The following CAMLG variants were observed in gnomAD, a reference collection of about 807,000 sequenced individuals.
The protein encoded by CAMLG is guided entry of tail-anchored proteins factor CAMLG.
In CAMLG, 23 loss-of-function variants were observed where a neutral mutation model predicts 28.9. The observed-to-expected ratio is 0.80, with a 90% CI of 0.57 to 1.13. The LOEUF (loss-of-function observed/expected upper bound fraction) is 1.13. CAMLG is among the 50% of genes most tolerant of loss of function. The pLI is 0.00. For synonymous variants in CAMLG, 141 were observed against 146.5 expected, an observed-to-expected ratio of 0.96 and a Z score of 0.27; for missense variants, 367 against 371.9, an observed-to-expected ratio of 0.99 and a Z score of 0.11.
chr5:134,749,667 A>G lies in CAMLG; in HGVS notation c.700-1092A>G, dbSNP rs541433325. On this transcript the variant is annotated intron_variant, in intron 3 of 3. Transcript: ENST00000297156. Reference sequence around the variant, plus strand: ...ACTTGTCCTGAGACTTAACGCTTCAAAAAACTTTCACTTCTGCCAGTCTAA... The same window carrying G: ...ACTTGTCCTGAGACTTAACGCTTCAGAAAACTTTCACTTCTGCCAGTCTAA... Among the ~76,000 whole-genome samples, 7 of 152,336 alleles carry G rather than the reference A, an allele frequency of 4.6e-5. No individual in the cohort carries two copies. In the South Asian group the frequency reaches 8.3e-4, roughly 18 times the overall value.
Position 134,749,740 on chromosome 5 carries a change from C to T in CAMLG, c.700-1019C>T, listed in dbSNP as rs186398749. Among the ~76,000 whole-genome samples, 681 of 152,242 alleles carry T rather than the reference C, an allele frequency of 4.5e-3. 1 individual carries two copies. The highest frequency in any genetic ancestry group is 5.6e-3 in the Non-Finnish European group (378 of 68,022). ...TGTTTTTAGTTGTTGTTTTTGGAGACGGGGGTCTCACTTTGTCATGTGGGC... is the reference window on the plus strand; with the variant it reads ...TGTTTTTAGTTGTTGTTTTTGGAGATGGGGGTCTCACTTTGTCATGTGGGC... On this transcript the variant is annotated intron_variant, in intron 3 of 3. Transcript: ENST00000297156.
At chr5:134,748,071 C>G (rs962143268) in intron 3 of CAMLG, among the ~76,000 whole-genome samples, 1 of 148,104 alleles carries the variant, frequency 6.8e-6, no homozygotes, top group African/African-American at 2.5e-5. Flanking sequence ...ACCATGTTGG[C>G]CAAGACAGCC....
At chr5:134,739,240 C>T (rs1752955395) in intron 1 of CAMLG, among the ~76,000 whole-genome samples, 1 of 152,160 alleles carries the variant, frequency 6.6e-6, no homozygotes, top group Non-Finnish European at 1.5e-5. Flanking sequence ...TGCTGTGTAA[C>T]TCCTGTCCGC....
At chr5:134,748,119 C>T (rs1753073051) in intron 3 of CAMLG, among the ~76,000 whole-genome samples, 1 of 152,076 alleles carries the variant, frequency 6.6e-6, no homozygotes, top group South Asian at 2.1e-4. Context: ...ACCTCGGCCT[C>T]CTAAAGTGCT....
chr5:134,739,435 C>G (rs1334370211), intron 1 of CAMLG, among the ~76,000 whole-genome samples: 1 of 152,176 alleles, frequency 6.6e-6, no homozygotes, highest in Non-Finnish European at 1.5e-5. Flanking sequence ...AAGTGCACAC[C>G]TGAGAGTTTC....
chr5:134,741,614 C>T (rs1752985629), intron 2 of CAMLG, 91 bp downstream of exon 2: 1 of 786,656 alleles, frequency 1.3e-6, no homozygotes, highest in Non-Finnish European at 2.1e-6. Flanking sequence ...AAGTCATTGC[C>T]AGTATTAATA....
chr5:134,739,243 CTG>C (rs1752955538), intron 1 of CAMLG, among the ~76,000 whole-genome samples: 1 of 152,134 alleles, frequency 6.6e-6, no homozygotes, highest in Non-Finnish European at 1.5e-5. Context: ...TGTGTAACTC[CTG>C]TCCGCCCACA....
chr5:134,747,978 C>T (rs1235178358), intron 3 of CAMLG, among the ~76,000 whole-genome samples: 5 of 151,938 alleles, frequency 3.3e-5, no homozygotes, highest in African/African-American at 1.2e-4. Flanking sequence ...TCCCCTGCCT[C>T]AGCCTCCCAA....
intron 1 of CAMLG, 101 bp downstream of exon 1, chr5:134,738,893 G>A: frequency 8.4e-7 from 1 of 1,183,904 alleles, no homozygotes; most frequent in Non-Finnish European, 1.2e-6. Context: ...TTTTGACCAA[G>A]CCTTGCTCTT....
chr5:134,744,343 G>A (rs767527175), intron 3 of CAMLG, among the ~76,000 whole-genome samples: 2 of 152,024 alleles, frequency 1.3e-5, no homozygotes, highest in African/African-American at 2.4e-5. Context: ...GGCCAACATG[G>A]TGCAACCCCA....
rs752531545 is a variant in CAMLG at position 134,743,982 on chromosome 5, C to T, written c.634-5C>T. 3 of 1,277,586 alleles carry T rather than the reference C, an allele frequency of 2.3e-6. No homozygotes were observed. The highest frequency in any genetic ancestry group is 2.9e-5 in the African/African-American group (2 of 67,992). The allele number at this position is 1,277,586 out of a possible 1,614,324, so 79.1% of individuals were successfully genotyped here. A position where few individuals can be genotyped will look rare whatever the true frequency, so the allele number is the denominator to read the frequency against. On this transcript the variant is annotated splice_region_variant and splice_polypyrimidine_tract_variant and intron_variant, in intron 2 of 3. Coordinates refer to ENST00000297156, the MANE Select transcript of CAMLG (RefSeq NM_001745.4). ...AATATTTAATTTTATCTTCTATCTT[C>T]ACAGTCCATATTTGCTCCATTTCTT...
chr5:134,743,910 T>G (rs761334825), intron 2 of CAMLG, 77 bp from the exon 3 acceptor site: 49 of 695,414 alleles, frequency 7.0e-5, no homozygotes, highest in Non-Finnish European at 1.0e-4. Context: ...TGCTTGGAAT[T>G]TTCTAGCTGC....
intron 2 of CAMLG, among the ~76,000 whole-genome samples, chr5:134,741,773 A>G (rs1020596043): frequency 2.0e-5 from 3 of 152,174 alleles, no homozygotes; most frequent in African/African-American, 7.2e-5. Flanking sequence ...GATTCAACCA[A>G]TTGTGGATTG....
Position 134,751,102 on chromosome 5 carries a change from G to C in CAMLG, c.*152G>C. On this transcript the variant is annotated 3_prime_UTR_variant, in exon 4 of 4. Transcript: ENST00000297156. Reference sequence around the variant, plus strand: ...CTACTTTATTAGATATAGAATGGCAGATTCTCTGATTTAAAAGGGCTGAGT... The same window carrying C: ...CTACTTTATTAGATATAGAATGGCACATTCTCTGATTTAAAAGGGCTGAGT... 1 of 547,522 alleles carries C rather than the reference G, an allele frequency of 1.8e-6. No individual in the cohort carries two copies. The highest frequency in any genetic ancestry group is 3.2e-6 in the Non-Finnish European group (1 of 310,908). 33.9% of individuals were successfully genotyped at this position (547,522 alleles called of 1,614,324 possible).
rs777080259 is a variant in CAMLG, at chr5:134,741,304, C to A, written c.414C>A (p.Asp138Glu). 6.2e-7 allele frequency: 1 copy of A among 1,614,150 alleles called. No homozygotes were observed. The highest frequency in any genetic ancestry group is 1.1e-5 in the South Asian group (1 of 91,090). Residue 138 changes from aspartate to glutamate, a missense_variant, in exon 2 of 4, where the codon GAC becomes GAA. Transcript: ENST00000297156. The part of the protein sequence containing the change: ...NLELRQRNRG[D>E]LTADSVQRGS... The stretch of plus-strand genomic sequence containing the variant: ...AGCTCCGGCAGCGGAACAGAGGGGA[C>A]CTGACAGCGGACTCGGTCCAGAGGG...
intron 3 of CAMLG, among the ~76,000 whole-genome samples, chr5:134,748,184 G>A (rs986546365): frequency 1.3e-5 from 2 of 151,976 alleles, no homozygotes; most frequent in Admixed American, 6.6e-5. Flanking sequence ...GCCCACCTCC[G>A]CTTCCCAAAG....
chr5:134,744,013 A>G lies in CAMLG; in HGVS notation c.660A>G (p.Leu220=). The G allele has an allele frequency of 6.9e-7, 1 of 1,447,370 alleles. No homozygotes were observed. Among genetic ancestry groups the G allele is most frequent in the Non-Finnish European group, 9.7e-7 (1 of 1,030,926 alleles). 89.7% of individuals were successfully genotyped at this position (1,447,370 alleles called of 1,614,324 possible). The change falls in exon 3 of 4, where the codon TTA becomes TTG. Residue 220 remains leucine (L), a synonymous_variant. Transcript: ENST00000297156. ...CCATATTTGCTCCATTTCTTACTTT[A>G]CAACTTGCGTACATGGGATTATACA... is the stretch of plus-strand genomic sequence containing the variant. ...YLSIFAPFLT[L]QLAYMGLYKY...
rs747126920 is a variant in CAMLG, at chr5:134,741,252, C to G, written c.362C>G (p.Pro121Arg). The change falls in exon 2 of 4, where the codon CCT becomes CGT. Residue 121 changes from proline (P) to arginine (R), a missense_variant. Transcript: ENST00000297156. ...GDKLDSFIKP[P>R]ECSSDVNLEL... is the part of the protein sequence containing the mutation. ...AAATTGGACTCGTTCATTAAACCACCTGAGTGCAGTAGTGATGTCAACCTT... is the reference window on the plus strand; with the variant it reads ...AAATTGGACTCGTTCATTAAACCACGTGAGTGCAGTAGTGATGTCAACCTT... The G allele has an allele frequency of 3.1e-6, 5 of 1,614,172 alleles. No individual in the cohort carries two copies. The East Asian group carries it at 8.9e-5, about 29-fold the overall frequency.
chr5:134,741,256 G>A lies in CAMLG; in HGVS notation c.366G>A (p.Glu122=). 1 of 1,614,228 alleles carries A rather than the reference G, an allele frequency of 6.2e-7. No individual in the cohort carries two copies. The highest frequency in any genetic ancestry group is 8.5e-7 in the Non-Finnish European group (1 of 1,180,042). ...TGGACTCGTTCATTAAACCACCTGA[G>A]TGCAGTAGTGATGTCAACCTTGAGC... The part of the protein sequence containing the change: ...DKLDSFIKPP[E]CSSDVNLELR... The change falls in exon 2 of 4, where the codon GAG becomes GAA. Residue 122 remains glutamate, a synonymous_variant. Transcript: ENST00000297156.
Sources: allele counts gnomAD v4.1 joint callset (sites outside exome capture counted in the v4.1 genomes callset), GRCh38; gene constraint gnomAD v4.1.1; transcripts MANE v1.5; gene names NCBI Gene and HGNC (gene_info 2026-07-23, HGNC 2026-07-21).